Variants in ANKRD18B observed in about 807,000 individuals in gnomAD.
The protein encoded by ANKRD18B is ankyrin repeat domain-containing protein 18B.
Under a neutral mutation model 111.8 loss-of-function variants are expected in ANKRD18B, and 75 were observed. The ratio of observed to expected loss-of-function variants is 0.67; its 90% CI spans 0.56 to 0.81. The LOEUF is 0.81. Ranked by LOEUF, ANKRD18B falls within the 40% of genes least tolerant of loss-of-function variation. The pLI is 0.00. For missense variants in ANKRD18B, 1,038 were observed against 1,225.5 expected (o/e 0.85, Z 2.28); for synonymous variants, 356 against 417.3 (o/e 0.85, Z 1.79).
chr9:33,530,522 A>C (rs1298504728), intron 3 of ANKRD18B, among the ~76,000 whole-genome samples: 2 of 111,310 alleles, frequency 1.8e-5, no homozygotes, highest in Non-Finnish European at 3.9e-5. Context: ...TTACCACAAC[A>C]AGAGCAAAAA....
chr9:33,527,175 T>G (rs536844877), intron 1 of ANKRD18B, among the ~76,000 whole-genome samples: 3 of 152,334 alleles, frequency 2.0e-5, no homozygotes, highest in African/African-American at 7.2e-5. Flanking sequence ...TTTTGAAAAT[T>G]TATCAGTCTT....
intron 13 of ANKRD18B, among the ~76,000 whole-genome samples, chr9:33,556,974 G>A (rs1186742518): frequency 1.3e-5 from 2 of 152,026 alleles, no homozygotes; most frequent in African/African-American, 4.8e-5. Context: ...TTTGATCACA[G>A]ACTTTTTTTA....
At chr9:33,536,784 T>C in intron 5 of ANKRD18B, 94 bp from the exon 6 acceptor site, 1 of 793,046 alleles carries the variant, frequency 1.3e-6, no homozygotes, top group Middle Eastern at 4.2e-4. Context: ...TTAGCTCTGA[T>C]ATTGTCTGAA....
At chr9:33,568,104 A>G (rs1271124113) in intron 16 of ANKRD18B, among the ~76,000 whole-genome samples, 3 of 152,222 alleles carry the variant, frequency 2.0e-5, no homozygotes, top group Non-Finnish European at 2.9e-5. Context: ...AGTGCCAAAT[A>G]CTTAAGTGTT....
In ANKRD18B at chr9:33,534,481, T is replaced by C. The variant is rs1454709101; in HGVS notation, c.714T>C (p.Asp238=). The part of the protein sequence containing the change: ...SQDMFGQTAE[D]YAFCCDLRSI... Reference sequence around the variant, plus strand: ...ACATGTTTGGCCAAACTGCCGAGGATTATGCTTTTTGTTGTGATTTGAGAA... The same window carrying C: ...ACATGTTTGGCCAAACTGCCGAGGACTATGCTTTTTGTTGTGATTTGAGAA... Residue 238 remains aspartate, a synonymous_variant, in exon 5 of 19, where the codon GAT becomes GAC. Coordinates refer to ENST00000684830, the MANE Select transcript of ANKRD18B (RefSeq NM_001393611.1). 1 of 1,547,874 alleles carries C rather than the reference T, an allele frequency of 6.5e-7. No homozygotes were observed. Among genetic ancestry groups the C allele is most frequent in the East Asian group, 2.4e-5 (1 of 40,876 alleles).
downstream of ANKRD18B, chr9:33,573,239 C>T (rs1797770459): frequency 3.0e-6 from 3 of 985,342 alleles, no homozygotes; most frequent in Non-Finnish European, 3.6e-6. Context: ...CTCTTCCCAT[C>T]ATGCGCTCAC....
chr9:33,572,855 T>C lies in ANKRD18B; in HGVS notation c.*421T>C, dbSNP rs2118157890. On this transcript the variant is annotated 3_prime_UTR_variant, in exon 19 of 19. Coordinates refer to ENST00000684830, the MANE Select transcript of ANKRD18B (RefSeq NM_001393611.1). ...GAGATACTTTGAAGCTCTGTAAATA[T>C]CTGGTTACTCCTCAAAACCCACTAG... The C allele has an allele frequency of 1.8e-6, 1 of 566,300 alleles. No homozygotes were observed. Among genetic ancestry groups the C allele is most frequent in the South Asian group, 7.6e-5 (1 of 13,188 alleles). 35.1% of individuals were successfully genotyped at this position (566,300 alleles called of 1,614,324 possible).
chr9:33,560,523 G>C (rs1235384713), intron 14 of ANKRD18B, among the ~76,000 whole-genome samples: 1 of 152,218 alleles, frequency 6.6e-6, no homozygotes, highest in Non-Finnish European at 1.5e-5. Context: ...GCATTTTGCT[G>C]TCTCCTGCTT....
intron 15 of ANKRD18B, chr9:33,566,846 A>G (rs1828693100): frequency 4.7e-6 from 2 of 429,548 alleles, no homozygotes; most frequent in South Asian, 3.4e-5. Context: ...TTAAAATTAT[A>G]AATGGATTCT....
chr9:33,544,253 C>G (rs1828323770), intron 10 of ANKRD18B, among the ~76,000 whole-genome samples: 1 of 152,066 alleles, frequency 6.6e-6, no homozygotes, highest in Admixed American at 6.6e-5. Flanking sequence ...CTATATTAAG[C>G]CAAGGGAAAT....
In ANKRD18B at chr9:33,528,806, A is replaced by C; in HGVS notation, c.286A>C (p.Ile96Leu). The change falls in exon 2 of 19, where the codon ATC (isoleucine) becomes CTC (leucine). Residue 96 changes from isoleucine to leucine, a missense_variant. This residue lies in a region of ANKRD18B where 216 missense variants were observed against 205.1 expected (regional missense o/e 1.05). Coordinates refer to ENST00000684830, the MANE Select transcript of ANKRD18B (RefSeq NM_001393611.1). ...LLLDRKCQIN[I>L]CDRLNRTPLM... ...GCTGGACAGAAAATGCCAGATCAAC[A>C]TCTGTGACAGACTAAACAGGACACC... 1 of 1,612,340 alleles carries C rather than the reference A, an allele frequency of 6.2e-7. No individual in the cohort carries two copies. Among genetic ancestry groups the C allele is most frequent in the East Asian group, 2.2e-5 (1 of 44,884 alleles).
chr9:33,562,357 C>T (rs1434247950), intron 14 of ANKRD18B, among the ~76,000 whole-genome samples: 1 of 151,490 alleles, frequency 6.6e-6, no homozygotes, highest in Non-Finnish European at 1.5e-5. Flanking sequence ...CACCTGGCAT[C>T]TTGTTCTGTT....
chr9:33,524,458 A>T lies in ANKRD18B; in HGVS notation c.-32A>T. ...CCACGAGGAGCCGCGGCGTCTCAGG[A>T]GCGGGTGGTGGGCATCTGAGAAGTC... is the stretch of plus-strand genomic sequence containing the variant. On this transcript the variant is annotated 5_prime_UTR_variant, in exon 1 of 19. Coordinates refer to ENST00000684830, the MANE Select transcript of ANKRD18B (RefSeq NM_001393611.1). The T allele has an allele frequency of 2.0e-6, 3 of 1,513,220 alleles. No individual in the cohort carries two copies. The highest frequency in any genetic ancestry group is 2.7e-6 in the Non-Finnish European group (3 of 1,128,682). 93.7% of individuals were successfully genotyped at this position (1,513,220 alleles called of 1,614,324 possible). A position where few individuals can be genotyped will look rare whatever the true frequency, so the allele number is the denominator to read the frequency against.
At position 33,568,778 on chromosome 9, in the gene ANKRD18B, G is replaced by A. The variant is rs779715142; in HGVS notation, c.3062G>A (p.Cys1021Tyr). Residue 1021 changes from cysteine (C) to tyrosine (Y), a missense_variant, in exon 17 of 19, where the codon TGT (cysteine) becomes TAT (tyrosine). Coordinates refer to ENST00000684830, the MANE Select transcript of ANKRD18B (RefSeq NM_001393611.1). ...LPMRPDPELP[C>Y]VENLNSIELN... Reference sequence around the variant, plus strand: ...ATGAGGCCAGACCCAGAGTTACCTTGTGTTGAAAATCTTAATAGTATAGAA... The same window carrying A: ...ATGAGGCCAGACCCAGAGTTACCTTATGTTGAAAATCTTAATAGTATAGAA... 1.0e-4 allele frequency: 159 copies of A among 1,551,408 alleles called. No individual in the cohort carries two copies. In the African/African-American group the frequency reaches 2.0e-3, roughly 19 times the overall value.
rs772660505 is a variant in ANKRD18B, at chr9:33,558,099, C to T, written c.2372C>T (p.Ala791Val). 2.0e-4 allele frequency: 330 copies of T among 1,610,384 alleles called. No individual in the cohort carries two copies. The highest frequency in any genetic ancestry group is 5.0e-4 in the Middle Eastern group (3 of 6,060). Reference sequence around the variant, plus strand: ...GAAATGACAATAAATATGTTAAATGCATTTGCAAATGAAGACTTCAGTTGC... The same window carrying T: ...GAAATGACAATAAATATGTTAAATGTATTTGCAAATGAAGACTTCAGTTGC... ...CLEMTINMLN[A>V]FANEDFSCHG... Residue 791 changes from alanine to valine, a missense_variant, in exon 14 of 19, where the codon GCA becomes GTA. Coordinates refer to ENST00000684830, the MANE Select transcript of ANKRD18B (RefSeq NM_001393611.1).
intron 3 of ANKRD18B, among the ~76,000 whole-genome samples, chr9:33,529,894 A>G (rs531337112): frequency 2.1e-4 from 32 of 152,308 alleles, no homozygotes; most frequent in Non-Finnish European, 1.5e-4. Context: ...CAAATTAGTA[A>G]CTGATTTATT....
At chr9:33,561,904 T>C (rs543181687) in intron 14 of ANKRD18B, among the ~76,000 whole-genome samples, 3 of 152,342 alleles carry the variant, frequency 2.0e-5, no homozygotes, top group South Asian at 4.1e-4. Flanking sequence ...CAGGACCAAA[T>C]TGAATTTACT....
Position 33,563,454 on chromosome 9 carries a change from G to A in ANKRD18B, c.2461-2765G>A, listed in dbSNP as rs567979671. ...AGCTGGGGCAGGCAGCATGAACACCGACACTGGCACTCCCAGGCTGTCTTT... is the reference window on the plus strand; with the variant it reads ...AGCTGGGGCAGGCAGCATGAACACCAACACTGGCACTCCCAGGCTGTCTTT... On this transcript the variant is annotated intron_variant, in intron 14 of 18. Coordinates refer to ENST00000684830, the MANE Select transcript of ANKRD18B (RefSeq NM_001393611.1). 6.2e-3 allele frequency among the ~76,000 whole-genome samples: 946 copies of A among 151,982 alleles called. 7 individuals carry two copies. Among genetic ancestry groups the A allele is most frequent in the African/African-American group, 0.021 (880 of 41,434 alleles).
chr9:33,546,469 G>A (rs1245008032), intron 10 of ANKRD18B, among the ~76,000 whole-genome samples: 1 of 152,082 alleles, frequency 6.6e-6, no homozygotes, highest in Non-Finnish European at 1.5e-5. Flanking sequence ...TATCATATAA[G>A]TAGCGTAACT....
Sources: gnomAD v4.1 joint callset for allele counts (sites outside exome capture counted in the v4.1 genomes callset) on GRCh38, gnomAD v4.1.1 for gene constraint, gnomAD v4.1.1 regional missense constraint, MANE v1.5 for transcripts, NCBI Gene and HGNC (gene_info 2026-07-23, HGNC 2026-07-21) for gene names.